Variants in NXN observed in about 807,000 individuals in gnomAD.
NXN encodes the protein nucleoredoxin 1.
A neutral mutation model predicts 48.6 loss-of-function variants in NXN; 16 were observed. That is an observed-to-expected ratio of 0.33 (90% CI 0.22 to 0.50). NXN has a LOEUF of 0.50. Ranked by LOEUF, NXN falls within the 20% of genes least tolerant of loss-of-function variation. The probability of loss-of-function intolerance (pLI) is 0.98; values close to 1 mark genes in which losing one functional copy is unlikely to be tolerated. For missense variants in NXN, 492 were observed against 605.5 expected (o/e 0.81, Z 1.97); for synonymous variants, 281 against 269.6 (o/e 1.04, Z -0.41).
At chr17:977,938 A>G (rs188861991) in intron 1 of NXN, among the ~76,000 whole-genome samples, 1 of 152,340 alleles carries the variant, frequency 6.6e-6, no homozygotes, top group Non-Finnish European at 1.5e-5. Flanking sequence ...TAGTGAACCT[A>G]TGTTTTCCCA....
chr17:873,484 C>A (rs1178042037), intron 1 of NXN, among the ~76,000 whole-genome samples: 1 of 89,418 alleles, frequency 1.1e-5, no homozygotes, highest in African/African-American at 4.3e-5. Flanking sequence ...GAGACAGAGA[C>A]ACTGTCTCCA....
At chr17:965,255 G>A (rs552556356) in intron 1 of NXN, among the ~76,000 whole-genome samples, 4 of 152,272 alleles carry the variant, frequency 2.6e-5, no homozygotes, top group South Asian at 2.1e-4. Context: ...GCAACCCACC[G>A]ACGGAGGGAG....
At chr17:909,252 CAT>C (rs907237230) in intron 1 of NXN, among the ~76,000 whole-genome samples, 4 of 152,010 alleles carry the variant, frequency 2.6e-5, no homozygotes, top group African/African-American at 9.7e-5. Context: ...CTTTTAATCT[CAT>C]AAAACATTGC....
At position 823,617 on chromosome 17, in the gene NXN, G is replaced by A. The variant is rs560878129; in HGVS notation, c.612+15C>T. On this transcript the variant is annotated intron_variant, in intron 3 of 7. Transcript: ENST00000336868. The stretch of plus-strand genomic sequence containing the variant: ...GCTTCCTTCTGTCTGAGCCAAAGGG[G>A]GTCCAAACACTCACCCAATGTGCGG... 6.2e-7 allele frequency: 1 copy of A among 1,613,800 alleles called. No homozygotes were observed. The highest frequency in any genetic ancestry group is 1.3e-5 in the African/African-American group (1 of 75,014).
At chr17:968,815 T>C (rs1172332523) in intron 1 of NXN, among the ~76,000 whole-genome samples, 1 of 151,046 alleles carries the variant, frequency 6.6e-6, no homozygotes, top group Non-Finnish European at 1.5e-5. Flanking sequence ...CGGGCACCTG[T>C]AATCCCAGCT....
In NXN at chr17:956,839, C is replaced by G. The variant is rs1304058654; in HGVS notation, c.360+22480G>C. On this transcript the variant is annotated intron_variant, in intron 1 of 7. Coordinates refer to ENST00000336868, the MANE Select transcript of NXN (RefSeq NM_022463.5). This position sits in a 1 kb window ranked among gnomAD's most constrained non-coding sequence, Gnocchi z 4.1. ...AAGTAACTTGCCCAAGATCTCAAAG[C>G]TGGAGAGCGGGAAAGATGGATCAGA... 6.6e-6 allele frequency among the ~76,000 whole-genome samples: 1 copy of G among 152,194 alleles called. No homozygotes were observed. The highest frequency in any genetic ancestry group is 1.5e-5 in the Non-Finnish European group (1 of 68,038).
Position 945,623 on chromosome 17 carries a change from C to T in NXN, c.360+33696G>A, listed in dbSNP as rs542057135. On this transcript the variant is annotated intron_variant, in intron 1 of 7. Coordinates refer to ENST00000336868, the MANE Select transcript of NXN (RefSeq NM_022463.5). ...TCCAGCCTGGGCGAGAGAGTGACTC[C>T]GTCTCAAAAAAAAAAAAAAAAAAAG... Among the ~76,000 whole-genome samples, 452 of 127,266 alleles carry T rather than the reference C, an allele frequency of 3.6e-3. 1 individual carries two copies. Among genetic ancestry groups the T allele is most frequent in the African/African-American group, 0.015 (436 of 28,208 alleles). 83.5% of individuals were successfully genotyped at this position (127,266 alleles called of 152,430 possible). A position where few individuals can be genotyped will look rare whatever the true frequency, so the allele number is the denominator to read the frequency against.
Position 924,949 on chromosome 17 carries a change from T to C in NXN, c.360+54370A>G, listed in dbSNP as rs558520658. 2.0e-5 allele frequency among the ~76,000 whole-genome samples: 3 copies of C among 152,276 alleles called. No homozygotes were observed. In the East Asian group the frequency reaches 5.8e-4, roughly 29 times the overall value. ...CTGGGTGGCAATTTGGGATGGGGGT[T>C]GGGAGAAGAGATTTTACAAGTCAGA... On this transcript the variant is annotated intron_variant, in intron 1 of 7. Coordinates refer to ENST00000336868, the MANE Select transcript of NXN (RefSeq NM_022463.5).
At position 800,460 on chromosome 17, in the gene NXN, G is replaced by T. The variant is rs2047360445; in HGVS notation, c.*489C>A. The T allele has an allele frequency of 6.5e-6, 1 of 152,708 alleles. No homozygotes were observed. Among genetic ancestry groups the T allele is most frequent in the Non-Finnish European group, 1.5e-5 (1 of 68,376 alleles). 9.5% of individuals were successfully genotyped at this position (152,708 alleles called of 1,614,324 possible). A position where few individuals can be genotyped will look rare whatever the true frequency, so the allele number is the denominator to read the frequency against. ...GCTGCTTTTCTCTCAGACCGAGGAA[G>T]ACTGTGTTGCTTAGAAAAGGACGTC... On this transcript the variant is annotated 3_prime_UTR_variant, in exon 8 of 8. Coordinates refer to ENST00000336868, the MANE Select transcript of NXN (RefSeq NM_022463.5).
At chr17:817,640 G>A (rs974077266) in intron 5 of NXN, among the ~76,000 whole-genome samples, 1 of 147,922 alleles carries the variant, frequency 6.8e-6, no homozygotes, top group African/African-American at 2.5e-5. Flanking sequence ...CTGCACTCCA[G>A]CCAGGGCGAC....
rs188532525 is a variant in NXN, at chr17:871,828, C to A, written c.361-45750G>T. Among the ~76,000 whole-genome samples, 421 of 152,238 alleles carry A rather than the reference C, an allele frequency of 2.8e-3. 1 individual carries two copies. The highest frequency in any genetic ancestry group is 9.8e-3 in the African/African-American group (405 of 41,524). On this transcript the variant is annotated intron_variant, in intron 1 of 7. Transcript: ENST00000336868. ...GTTACTGATGAACACCTAACAGTTACCCGCAAGCTTGCAAAATGCTTTTAT... is the reference window on the plus strand; with the variant it reads ...GTTACTGATGAACACCTAACAGTTAACCGCAAGCTTGCAAAATGCTTTTAT...
chr17:800,993 CA>C lies in NXN; in HGVS notation c.1263del (p.Phe421LeufsTer2). 1 of 1,550,954 alleles carries C rather than the reference CA, an allele frequency of 6.4e-7. No individual in the cohort carries two copies. Among genetic ancestry groups the C allele is most frequent in the Non-Finnish European group, 8.7e-7 (1 of 1,145,932 alleles). ...EEITPAIVEA[F>X]VNDFLAEKLK... Reference sequence around the variant, plus strand: ...AGCTTCTCTGCTAGGAAGTCATTCACAAAGGCCTCCACGATGGCGGGGGTGA... The same window carrying C: ...AGCTTCTCTGCTAGGAAGTCATTCACAAGGCCTCCACGATGGCGGGGGTGA... On this transcript the variant is annotated frameshift_variant, in exon 8 of 8. Coordinates refer to ENST00000336868, the MANE Select transcript of NXN (RefSeq NM_022463.5). LOFTEE classifies it high-confidence loss of function.
intron 5 of NXN, among the ~76,000 whole-genome samples, chr17:816,015 T>G (rs1912450406): frequency 6.6e-6 from 1 of 152,066 alleles, no homozygotes; most frequent in Non-Finnish European, 1.5e-5. Flanking sequence ...ACCCAGGATA[T>G]CTCTGTATGG....
chr17:940,041 C>G (rs1011356268), intron 1 of NXN, among the ~76,000 whole-genome samples: 6 of 151,988 alleles, frequency 3.9e-5, no homozygotes, highest in African/African-American at 1.5e-4. Context: ...TCAAGTGATC[C>G]TCCCACCTCA....
At chr17:847,524 T>A (rs1224200400) in intron 1 of NXN, among the ~76,000 whole-genome samples, 1 of 152,116 alleles carries the variant, frequency 6.6e-6, no homozygotes, top group African/African-American at 2.4e-5. Context: ...TCACTGGGAA[T>A]CCGGCAAGCC....
At chr17:843,193 C>T (rs1020512566) in intron 1 of NXN, among the ~76,000 whole-genome samples, 4 of 152,186 alleles carry the variant, frequency 2.6e-5, no homozygotes, top group African/African-American at 9.7e-5. Flanking sequence ...TCAAATGTGC[C>T]GAACGCAAAG....
chr17:911,110 A>G (rs1007357113), intron 1 of NXN: 8 of 152,018 alleles, frequency 5.3e-5, no homozygotes, highest in Non-Finnish European at 8.8e-5. Context: ...TTTGCACTTG[A>G]TATACGGCTT....
chr17:979,247 C>T, intron 1 of NXN, 72 bp downstream of exon 1: 1 of 831,572 alleles, frequency 1.2e-6, no homozygotes, highest in Non-Finnish European at 1.4e-6. Flanking sequence ...GCAGGGGTAA[C>T]GGGCGTGGGG....
intron 1 of NXN, among the ~76,000 whole-genome samples, chr17:979,112 G>C (rs1275420247): frequency 1.7e-5 from 2 of 114,476 alleles, no homozygotes; most frequent in Non-Finnish European, 3.7e-5. Flanking sequence ...CGCGGAAGGG[G>C]GGGGGGCAGA....
Sources: gnomAD v4.1 joint callset for allele counts (sites outside exome capture counted in the v4.1 genomes callset) on GRCh38, gnomAD v4.1.1 for gene constraint, Gnocchi (gnomAD v3.1) non-coding constraint, MANE v1.5 for transcripts, NCBI Gene and HGNC (gene_info 2026-07-23, HGNC 2026-07-21) for gene names.